Variants in IGF2R observed in about 807,000 individuals in gnomAD.
IGF2R encodes insulin like growth factor 2 receptor.
A neutral mutation model predicts 270.6 loss-of-function variants in IGF2R; 91 were observed. The ratio of observed to expected loss-of-function variants is 0.34; its 90% CI spans 0.28 to 0.40. The LOEUF is 0.40. Among genes scored for constraint, IGF2R ranks in the 10% least tolerant of loss-of-function variants. The pLI is 1.00. For missense variants in IGF2R, 2,805 were observed against 3,188.3 expected (o/e 0.88, Z 2.90); for synonymous variants, 1,316 against 1,258.9 (o/e 1.05, Z -0.96).
In IGF2R at chr6:160,054,602, G is replaced by C. The variant is rs193043745; in HGVS notation, c.2695-1822G>C. Reference sequence around the variant, plus strand: ...AGCCTAGTGGTTAACGAGGAAAGGGGTGTAATGGGGTATGTCTCACCTCCC... The same window carrying C: ...AGCCTAGTGGTTAACGAGGAAAGGGCTGTAATGGGGTATGTCTCACCTCCC... On this transcript the variant is annotated intron_variant, in intron 19 of 47. Coordinates refer to ENST00000356956, the MANE Select transcript of IGF2R (RefSeq NM_000876.4). 3.3e-5 allele frequency among the ~76,000 whole-genome samples: 5 copies of C among 152,290 alleles called. No homozygotes were observed. The East Asian group carries it at 5.8e-4, about 18-fold the overall frequency.
Position 160,027,222 on chromosome 6 carries a change from T to TC in IGF2R, c.690dup (p.Gly231ArgfsTer14). The TC allele has an allele frequency of 6.2e-7, 1 of 1,614,174 alleles. No individual in the cohort carries two copies. On this transcript the variant is annotated frameshift_variant, in exon 6 of 48. Coordinates refer to ENST00000356956, the MANE Select transcript of IGF2R (RefSeq NM_000876.4). LOFTEE classifies it high-confidence loss of function. ...ACCCAGGTTCACAGCTGCGGGCCTG[T>TC]CCCCCCGGCACTGCCGCCTGCCTGG...
chr6:160,068,938 T>A (rs1192113771), intron 30 of IGF2R, among the ~76,000 whole-genome samples: 1 of 152,160 alleles, frequency 6.6e-6, no homozygotes, highest in African/African-American at 2.4e-5. Context: ...AAATCAGTGC[T>A]GAGGACTGCT....
At chr6:160,092,977 G>T (rs1779262373) in intron 44 of IGF2R, 1 of 152,304 alleles carries the variant, frequency 6.6e-6, no homozygotes, top group South Asian at 2.1e-4. Flanking sequence ...GCCAACTTCA[G>T]ATTTACCCTT....
At chr6:160,076,734 C>G (rs1403361932) in intron 36 of IGF2R, among the ~76,000 whole-genome samples, 1 of 152,222 alleles carries the variant, frequency 6.6e-6, no homozygotes, top group Non-Finnish European at 1.5e-5. Flanking sequence ...CTTGGGGCTC[C>G]TTTGACATGA....
chr6:160,094,116 G>A (rs771113884), intron 44 of IGF2R: 11 of 451,576 alleles, frequency 2.4e-5, no homozygotes, highest in African/African-American at 6.0e-5. Context: ...TACTACTGCT[G>A]TTGCATAACA....
rs1783564877 is a variant in IGF2R, at chr6:159,969,116, C to A, written c.-131C>A. On this transcript the variant is annotated 5_prime_UTR_variant, in exon 1 of 48. Coordinates refer to ENST00000356956, the MANE Select transcript of IGF2R (RefSeq NM_000876.4). ...GCTGTCGCCGAGCCCAGTCGAGCCG[C>A]GCTCACCTCGGGCTCCCGCTCCGTC... 2.3e-6 allele frequency: 1 copy of A among 429,650 alleles called. No individual in the cohort carries two copies. Among genetic ancestry groups the A allele is most frequent in the Non-Finnish European group, 3.1e-6 (1 of 322,956 alleles). The allele number at this position is 429,650 out of a possible 1,614,324, so 26.6% of individuals were successfully genotyped here.
rs750789425 is a variant in IGF2R at position 160,075,833 on chromosome 6, C to T, written c.5167-14C>T. 3.4e-5 allele frequency: 55 copies of T among 1,611,108 alleles called. No homozygotes were observed. The highest frequency in any genetic ancestry group is 5.3e-5 in the African/African-American group (4 of 74,894). On this transcript the variant is annotated splice_polypyrimidine_tract_variant and intron_variant, in intron 35 of 47. Transcript: ENST00000356956. ...AATTTCCTGAAATACTGTTTGCCCTCGCTCTTTGTTTAGGATATCGGCCGG... is the reference window on the plus strand; with the variant it reads ...AATTTCCTGAAATACTGTTTGCCCTTGCTCTTTGTTTAGGATATCGGCCGG...
At chr6:160,089,043 T>G (rs1437972732) in intron 42 of IGF2R, 64 bp from the exon 43 acceptor site, 3 of 1,547,558 alleles carry the variant, frequency 1.9e-6, no homozygotes, top group Non-Finnish European at 2.6e-6. Context: ...GTGTTCATTG[T>G]TTTGCAGTCT....
At chr6:159,978,797 A>G (rs960927382) in intron 1 of IGF2R, among the ~76,000 whole-genome samples, 6 of 152,150 alleles carry the variant, frequency 3.9e-5, no homozygotes, top group Admixed American at 3.9e-4. Flanking sequence ...GTGCTCTGTG[A>G]ACCTGGCCGT....
chr6:160,082,688 G>C (rs185026912), intron 39 of IGF2R, among the ~76,000 whole-genome samples: 1 of 152,350 alleles, frequency 6.6e-6, no homozygotes, highest in African/African-American at 2.4e-5. Flanking sequence ...GGGCTGTGGG[G>C]TTATTAAGAA....
In IGF2R at chr6:160,010,691, C is replaced by T. The variant is rs764995243; in HGVS notation, c.419C>T (p.Thr140Ile). The T allele has an allele frequency of 5.1e-6, 8 of 1,577,482 alleles. No individual in the cohort carries two copies. The South Asian group carries it at 8.9e-5, about 18-fold the overall frequency. The change falls in exon 4 of 48, where the codon ACT becomes ATT. Residue 140 changes from threonine (T) to isoleucine (I), a missense_variant. Thr to Ile is a moderately conservative substitution (Grantham distance 89). Transcript: ENST00000356956. Reference protein sequence around the residue: ...IAFLCGKTLGTPEFVTATECV... With the variant: ...IAFLCGKTLGIPEFVTATECV... ...ATTACTATTTTTTTTTAATAGGGAA[C>T]TCCTGAATTTGTAACTGCAACAGAA...
chr6:160,059,626 C>T (rs1026004047), intron 22 of IGF2R, among the ~76,000 whole-genome samples: 1 of 152,236 alleles, frequency 6.6e-6, no homozygotes, highest in East Asian at 1.9e-4. Context: ...CACTTCCCAG[C>T]TCAGAGCCCT....
At chr6:160,093,465 G>A (rs1019332319) in intron 44 of IGF2R, 2 of 474,450 alleles carry the variant, frequency 4.2e-6, no homozygotes, top group Non-Finnish European at 7.9e-6. Flanking sequence ...AGAGTTTGAG[G>A]AGATCAAGAA....
intron 6 of IGF2R, among the ~76,000 whole-genome samples, chr6:160,027,604 A>G (rs1003131736): frequency 6.6e-6 from 1 of 152,184 alleles, no homozygotes; most frequent in Non-Finnish European, 1.5e-5. Flanking sequence ...TTAAGGTGCC[A>G]TCTGATATTT....
At chr6:160,091,859 A>T (rs1371447410) in intron 44 of IGF2R, among the ~76,000 whole-genome samples, 2 of 152,210 alleles carry the variant, frequency 1.3e-5, no homozygotes, top group Non-Finnish European at 2.9e-5. Context: ...CAGCTTGAAG[A>T]TGTCTGAGAG....
Position 160,090,023 on chromosome 6 carries a change from A to C in IGF2R, c.6575A>C (p.Asn2192Thr), listed in dbSNP as rs17847658. The change falls in exon 44 of 48, where the codon AAC (asparagine) becomes ACC (threonine). Residue 2192 changes from asparagine to threonine, a missense_variant. Coordinates refer to ENST00000356956, the MANE Select transcript of IGF2R (RefSeq NM_000876.4). ...AGAAACCCGGCGTGCTCTGGAGCCA[A>C]CATATGCCAGGTGAAGCCCAACGAT... ...SSRNPACSGA[N>T]ICQVKPNDQH... 10 of 1,605,296 alleles carry C rather than the reference A, an allele frequency of 6.2e-6. 1 individual carries two copies. The highest frequency in any genetic ancestry group is 6.0e-6 in the Non-Finnish European group (7 of 1,175,996).
chr6:160,080,794 G>A (rs146756817), intron 39 of IGF2R, among the ~76,000 whole-genome samples: 2 of 152,192 alleles, frequency 1.3e-5, no homozygotes, highest in East Asian at 3.9e-4. Flanking sequence ...TGTGTCTACG[G>A]ACCGTGAGAT....
chr6:160,047,465 T>A, intron 16 of IGF2R, 129 bp downstream of exon 16: 1 of 792,012 alleles, frequency 1.3e-6, no homozygotes, highest in Non-Finnish European at 2.0e-6. Context: ...TTTGCCAGGG[T>A]GCCTGGGCAG....
intron 42 of IGF2R, among the ~76,000 whole-genome samples, chr6:160,088,408 A>C (rs1779143007): frequency 6.6e-6 from 1 of 152,206 alleles, no homozygotes; most frequent in Non-Finnish European, 1.5e-5. Context: ...GCAGTACTTA[A>C]CTGACCTCTA....
Sources: allele counts gnomAD v4.1 joint callset (sites outside exome capture counted in the v4.1 genomes callset), GRCh38; gene constraint gnomAD v4.1.1; transcripts MANE v1.5; gene names NCBI Gene and HGNC (gene_info 2026-07-23, HGNC 2026-07-21).